The following TRIM2 variants were observed in gnomAD, a reference collection of about 807,000 sequenced individuals.
TRIM2 encodes the protein tripartite motif containing 2.
Under a neutral mutation model 75.2 loss-of-function variants are expected in TRIM2, and 20 were observed. That is an observed-to-expected ratio of 0.27 (90% CI 0.19 to 0.39). The LOEUF (loss-of-function observed/expected upper bound fraction) is 0.39. TRIM2 is among the 10% of genes least tolerant of loss of function. TRIM2 has a pLI of 1.00. For synonymous variants in TRIM2, 373 were observed against 388.3 expected, an observed-to-expected ratio of 0.96 and a Z score of 0.46; for missense variants, 660 against 990.8, an observed-to-expected ratio of 0.67 and a Z score of 4.48.
intron 1 of TRIM2, among the ~76,000 whole-genome samples, chr4:153,245,944 G>C (rs1408757648): frequency 6.6e-6 from 1 of 152,204 alleles, no homozygotes; most frequent in Admixed American, 6.5e-5. Context: ...CTCTGAAAGT[G>C]CTGGGATTAC....
At chr4:153,224,880 C>T (rs978586796) in intron 1 of TRIM2, among the ~76,000 whole-genome samples, 1 of 152,212 alleles carries the variant, frequency 6.6e-6, no homozygotes, top group Non-Finnish European at 1.5e-5. Context: ...GAATTAACAT[C>T]TTATTCTCTG....
chr4:153,243,825 C>CG (rs1491519906), intron 1 of TRIM2, among the ~76,000 whole-genome samples: 127 of 124,060 alleles, frequency 1.0e-3, no homozygotes, highest in African/African-American at 4.0e-3. Context: ...TTTTCCCCCC[C>CG]CCCTTGAGAC....
intron 1 of TRIM2, among the ~76,000 whole-genome samples, chr4:153,171,827 T>C (rs1730887619): frequency 6.8e-6 from 1 of 147,622 alleles, no homozygotes; most frequent in South Asian, 2.1e-4. Context: ...TTTGCCATAT[T>C]TTCGTTTTGG....
chr4:153,336,226 T>C lies in TRIM2; in HGVS notation c.*1260T>C. Reference sequence around the variant, plus strand: ...CTTCGTCCAGCCACTCTTCAGCACATTCCTTTACTAAGCAGTTTAAAGCCG... The same window carrying C: ...CTTCGTCCAGCCACTCTTCAGCACACTCCTTTACTAAGCAGTTTAAAGCCG... On this transcript the variant is annotated 3_prime_UTR_variant, in exon 12 of 12. Coordinates refer to ENST00000338700, the MANE Select transcript of TRIM2 (RefSeq NM_015271.5). 1.3e-5 allele frequency: 13 copies of C among 985,538 alleles called. No homozygotes were observed. Among genetic ancestry groups the C allele is most frequent in the Non-Finnish European group, 1.6e-5 (13 of 829,888 alleles). 61.0% of individuals were successfully genotyped at this position (985,538 alleles called of 1,614,324 possible). A position where few individuals can be genotyped will look rare whatever the true frequency, so the allele number is the denominator to read the frequency against.
In TRIM2 at chr4:153,267,249, G is replaced by A. The variant is rs141583687; in HGVS notation, c.31-3086G>A. On this transcript the variant is annotated intron_variant, in intron 1 of 11. Transcript: ENST00000338700. ...CTTTTTAAAACACAAGGTCAAGGGCGGTGTTGTGGTTTAAGTAGTGAAAAG... is the reference window on the plus strand; with the variant it reads ...CTTTTTAAAACACAAGGTCAAGGGCAGTGTTGTGGTTTAAGTAGTGAAAAG... Among the ~76,000 whole-genome samples the A allele has an allele frequency of 2.7e-3, 414 of 152,152 alleles. 3 individuals are homozygous for A. The highest frequency in any genetic ancestry group is 9.4e-3 in the African/African-American group (389 of 41,512).
chr4:153,301,209 A>T (rs968264366), intron 6 of TRIM2, among the ~76,000 whole-genome samples: 1 of 151,746 alleles, frequency 6.6e-6, no homozygotes, highest in African/African-American at 2.4e-5. Flanking sequence ...AAAAATAGAC[A>T]TGGGGTCTCA....
chr4:153,296,478 C>A (rs1560970616), intron 6 of TRIM2, among the ~76,000 whole-genome samples: 1 of 152,210 alleles, frequency 6.6e-6, no homozygotes, highest in Non-Finnish European at 1.5e-5. Flanking sequence ...GTACGGTTGG[C>A]AGAGCATGTG....
chr4:153,184,806 A>T (rs1300422026), intron 1 of TRIM2, among the ~76,000 whole-genome samples: 1 of 152,200 alleles, frequency 6.6e-6, no homozygotes, highest in African/African-American at 2.4e-5. Flanking sequence ...CAGATACGAG[A>T]AACCTCATCA....
At chr4:153,267,440 C>A (rs1755498087) in intron 1 of TRIM2, among the ~76,000 whole-genome samples, 1 of 152,018 alleles carries the variant, frequency 6.6e-6, no homozygotes, top group African/African-American at 2.4e-5. Flanking sequence ...ATCACGAGGT[C>A]AGGAGATCGA....
At chr4:153,155,582 T>C (rs1262015490) in intron 1 of TRIM2, among the ~76,000 whole-genome samples, 1 of 152,100 alleles carries the variant, frequency 6.6e-6, no homozygotes, top group Admixed American at 6.5e-5. Context: ...CAGATTTTGA[T>C]TGGATATAAT....
intron 3 of TRIM2, among the ~76,000 whole-genome samples, chr4:153,281,938 C>T (rs1560943371): frequency 6.6e-6 from 1 of 152,248 alleles, no homozygotes; most frequent in African/African-American, 2.4e-5. Flanking sequence ...CTCATTAAGA[C>T]TGCCCTGCCA....
chr4:153,237,018 T>TA (rs1309114207), intron 1 of TRIM2, among the ~76,000 whole-genome samples: 2 of 152,234 alleles, frequency 1.3e-5, no homozygotes, highest in Non-Finnish European at 2.9e-5. Context: ...TAAACATCTT[T>TA]GTAAACTTAC....
intron 8 of TRIM2, among the ~76,000 whole-genome samples, chr4:153,317,509 C>G (rs1767938062): frequency 6.6e-6 from 1 of 151,726 alleles, no homozygotes; most frequent in Admixed American, 6.6e-5. Flanking sequence ...ATTAGCCGGC[C>G]GTGGTGGCGT....
At chr4:153,229,085 GTC>G (rs1742927744) in intron 1 of TRIM2, among the ~76,000 whole-genome samples, 1 of 152,176 alleles carries the variant, frequency 6.6e-6, no homozygotes, top group African/African-American at 2.4e-5. Context: ...TTACTCTAAA[GTC>G]TCTGCTTAAG....
rs760079181 is a variant in TRIM2 at position 153,185,879 on chromosome 4, TG to T, written c.-49+32612del. On this transcript the variant is annotated intron_variant, in intron 1 of 11. Coordinates refer to the TRIM2 transcript ENST00000437508. ...TGAGGAGGAGTTTGATAAGAAAGACTGGGTTCAATTAGCAGCTGATTAGGAG... is the reference window on the plus strand; with the variant it reads ...TGAGGAGGAGTTTGATAAGAAAGACTGGTTCAATTAGCAGCTGATTAGGAG... 1.1e-3 allele frequency among the ~76,000 whole-genome samples: 168 copies of T among 152,160 alleles called. 2 individuals are homozygous for T. Among genetic ancestry groups the T allele is most frequent in the Non-Finnish European group, 7.6e-4 (52 of 68,028 alleles).
intron 1 of TRIM2, among the ~76,000 whole-genome samples, chr4:153,249,603 C>T (rs1182776856): frequency 3.9e-5 from 6 of 152,358 alleles, no homozygotes; most frequent in African/African-American, 1.4e-4. Context: ...TCCCTGCTCC[C>T]GCCTCGGCCA....
intron 1 of TRIM2, among the ~76,000 whole-genome samples, chr4:153,153,876 G>C (rs573398604): frequency 2.0e-5 from 3 of 152,174 alleles, no homozygotes; most frequent in Non-Finnish European, 4.4e-5. Flanking sequence ...CCCAGAACTC[G>C]TTTCTTCCTT....
chr4:153,259,653 T>C (rs955947544), intron 1 of TRIM2, among the ~76,000 whole-genome samples: 10 of 152,248 alleles, frequency 6.6e-5, no homozygotes, highest in Non-Finnish European at 1.0e-4. Flanking sequence ...GTGATAGCCT[T>C]TTTCTTTAAT....
At chr4:153,300,523 A>G (rs72967141) in intron 6 of TRIM2, among the ~76,000 whole-genome samples, 5,893 of 152,076 alleles carry the variant, frequency 0.039, 263 homozygotes, top group African/African-American at 0.11. Flanking sequence ...TAATTTTCAT[A>G]TCCGCGATGA....
Sources: allele counts gnomAD v4.1 joint callset (sites outside exome capture counted in the v4.1 genomes callset), GRCh38; gene constraint gnomAD v4.1.1; transcripts MANE v1.5; gene names NCBI Gene and HGNC (gene_info 2026-07-23, HGNC 2026-07-21).